Variants in GLI2 observed in about 807,000 individuals in gnomAD.
The protein encoded by GLI2 is GLI family zinc finger 2.
In GLI2, 22 loss-of-function variants were observed where a neutral mutation model predicts 78.9. The observed-to-expected ratio is 0.28, with a 90% CI of 0.20 to 0.40. The LOEUF is 0.40. Among genes scored for constraint, GLI2 ranks in the 10% least tolerant of loss-of-function variants. The probability of loss-of-function intolerance (pLI) is 1.00; values close to 1 mark genes in which losing one functional copy is unlikely to be tolerated. For synonymous variants in GLI2, 974 were observed against 963.7 expected, an observed-to-expected ratio of 1.01 and a Z score of -0.20; for missense variants, 2,097 against 2,213.2, an observed-to-expected ratio of 0.95 and a Z score of 1.05.
At chr2:120,889,547 C>T (rs749728265) in intron 2 of GLI2, among the ~76,000 whole-genome samples, 1 of 152,202 alleles carries the variant, frequency 6.6e-6, no homozygotes, top group Non-Finnish European at 1.5e-5. Flanking sequence ...GGTGAAGAGA[C>T]AGGCTGCAGA....
chr2:120,796,605 C>T (rs1210750411), intron 1 of GLI2, among the ~76,000 whole-genome samples: 1 of 152,240 alleles, frequency 6.6e-6, no homozygotes, highest in African/African-American at 2.4e-5. Flanking sequence ...CCCCGCTGTG[C>T]CCCTGCAACC....
intron 13 of GLI2, 90 bp from the exon 14 acceptor site, chr2:120,988,118 G>A (rs937695389): frequency 8.7e-7 from 1 of 1,143,532 alleles, no homozygotes; most frequent in Non-Finnish European, 1.2e-6. Flanking sequence ...CCCTCTTCTC[G>A]GGCTCCAGGC....
Position 120,991,143 on chromosome 2 carries a change from G to C in GLI2, c.*468G>C, listed in dbSNP as rs760734268. 2 of 162,068 alleles carry C rather than the reference G, an allele frequency of 1.2e-5. No individual in the cohort carries two copies. Among genetic ancestry groups the C allele is most frequent in the East Asian group, 3.5e-4 (2 of 5,698 alleles). 10.0% of individuals were successfully genotyped at this position (162,068 alleles called of 1,614,324 possible). On this transcript the variant is annotated 3_prime_UTR_variant, in exon 14 of 14. Transcript: ENST00000361492. The stretch of plus-strand genomic sequence containing the variant: ...CTACTTGGAAGGAAAAGGAATTCCT[G>C]GTCCACCTGAATTCCTCTATGAAGC...
At chr2:120,987,472 AGAGAG>A (rs1455480213) in intron 13 of GLI2, among the ~76,000 whole-genome samples, 3 of 152,222 alleles carry the variant, frequency 2.0e-5, no homozygotes, top group African/African-American at 7.2e-5. Flanking sequence ...GATGAGGCTC[AGAGAG>A]GTGCCCAACT....
chr2:120,939,482 C>T (rs947684438), intron 3 of GLI2, among the ~76,000 whole-genome samples: 12 of 152,244 alleles, frequency 7.9e-5, no homozygotes, highest in South Asian at 2.1e-4. Context: ...CATCTTATGA[C>T]GGTTTTACCT....
Position 120,955,152 on chromosome 2 carries a change from CCTTTTTTTTTTTTTTTT to C in GLI2, c.458-92_458-76del, listed in dbSNP as rs1451647968. ...GACACCAGGTGTGCATTTCTCTCTG[CCTTTTTTTTTTTTTTTT>C]TTTTTTTTTTTTGGCAGGAGAAGGC... On this transcript the variant is annotated intron_variant, in intron 4 of 13. Coordinates refer to ENST00000361492, the MANE Select transcript of GLI2 (RefSeq NM_001374353.1). 31 of 305,080 alleles carry C rather than the reference CCTTTTTTTTTTTTTTTT, an allele frequency of 1.0e-4. No homozygotes were observed. In the East Asian group the frequency reaches 1.5e-3, roughly 15 times the overall value. The allele number at this position is 305,080 out of a possible 1,614,324, so 18.9% of individuals were successfully genotyped here. A position where few individuals can be genotyped will look rare whatever the true frequency, so the allele number is the denominator to read the frequency against.
rs527341087 is a variant in GLI2 at position 120,958,179 on chromosome 2, C to T, written c.643+2749C>T. On this transcript the variant is annotated intron_variant, in intron 5 of 13. Transcript: ENST00000361492. ...GACTGAAGGGGTGTGGAGTGGCAAT[C>T]CCAAGCCCTGCGAGCTGTGTGGATT... Among the ~76,000 whole-genome samples, 4 of 152,300 alleles carry T rather than the reference C, an allele frequency of 2.6e-5. No homozygotes were observed. In the East Asian group the frequency reaches 7.7e-4, roughly 29 times the overall value.
At chr2:120,872,151 G>T (rs1688496225) in intron 2 of GLI2, among the ~76,000 whole-genome samples, 1 of 152,214 alleles carries the variant, frequency 6.6e-6, no homozygotes. Flanking sequence ...GTGACCTCAC[G>T]CTGTGACACT....
intron 2 of GLI2, among the ~76,000 whole-genome samples, chr2:120,907,227 C>T (rs1678577328): frequency 6.6e-6 from 1 of 152,204 alleles, no homozygotes; most frequent in South Asian, 2.1e-4. Context: ...TGTGTGCCTT[C>T]TCAGCCCTCT....
intron 2 of GLI2, among the ~76,000 whole-genome samples, chr2:120,923,556 G>A (rs1679506808): frequency 6.6e-6 from 1 of 150,834 alleles, no homozygotes. Flanking sequence ...CACGCATACA[G>A]CACACACATA....
intron 2 of GLI2, among the ~76,000 whole-genome samples, chr2:120,890,038 T>A (rs550107620): frequency 1.3e-5 from 2 of 152,338 alleles, no homozygotes; most frequent in African/African-American, 4.8e-5. Flanking sequence ...ATTTGTGATG[T>A]CCCCAAACTG....
intron 2 of GLI2, among the ~76,000 whole-genome samples, chr2:120,852,837 G>T (rs149512395): frequency 3.9e-5 from 6 of 152,186 alleles, no homozygotes; most frequent in African/African-American, 1.4e-4. Context: ...GCCAGCACTC[G>T]CTGTGCCCAG....
chr2:120,917,398 C>CCCCGAGATGGCACATGTGTGCATT (rs1462471691), intron 2 of GLI2, among the ~76,000 whole-genome samples: 10 of 152,246 alleles, frequency 6.6e-5, no homozygotes, highest in African/African-American at 2.4e-4. Context: ...TGGCCCAGGG[C>CCCCGAGATGGCACATGTGTGCATT]CCCGAGATGG....
At chr2:120,801,563 A>C (rs77028006) in intron 2 of GLI2, among the ~76,000 whole-genome samples, 8,180 of 152,292 alleles carry the variant, frequency 0.054, 678 homozygotes, top group African/African-American at 0.18. Context: ...GTTAATTAAG[A>C]CTTTTCAATT....
intron 1 of GLI2, among the ~76,000 whole-genome samples, chr2:120,792,103 A>G (rs1684178407): frequency 6.6e-6 from 1 of 152,154 alleles, no homozygotes; most frequent in Non-Finnish European, 1.5e-5. Context: ...ACAATGCTCT[A>G]ATTCCTGTGA....
intron 2 of GLI2, among the ~76,000 whole-genome samples, chr2:120,798,562 G>C (rs1245246441): frequency 6.6e-6 from 1 of 152,152 alleles, no homozygotes; most frequent in Non-Finnish European, 1.5e-5. Flanking sequence ...GGTCATTATT[G>C]GGATGTGTGG....
At chr2:120,762,659 CG>C (rs1683248694) in intron 1 of GLI2, among the ~76,000 whole-genome samples, 1 of 152,152 alleles carries the variant, frequency 6.6e-6, no homozygotes, top group Non-Finnish European at 1.5e-5. Flanking sequence ...CCATCGAGAG[CG>C]TCGAGGGCCT....
At chr2:120,908,456 C>T (rs886945266) in intron 2 of GLI2, among the ~76,000 whole-genome samples, 8 of 152,188 alleles carry the variant, frequency 5.3e-5, no homozygotes, top group African/African-American at 1.9e-4. Context: ...ATCTGCTTCC[C>T]GTGCAGACTC....
intron 1 of GLI2, among the ~76,000 whole-genome samples, chr2:120,750,905 C>A (rs188624041): frequency 5.9e-5 from 9 of 152,388 alleles, no homozygotes; most frequent in Admixed American, 5.2e-4. Flanking sequence ...GGAGGCTGCA[C>A]TGGGCCCCAG....
Sources: allele counts gnomAD v4.1 joint callset (sites outside exome capture counted in the v4.1 genomes callset), GRCh38; gene constraint gnomAD v4.1.1; transcripts MANE v1.5; gene names NCBI Gene and HGNC (gene_info 2026-07-23, HGNC 2026-07-21).